CFAP74: variants seen among roughly 807,000 people sequenced by gnomAD.
The protein encoded by CFAP74 is cilia- and flagella-associated protein 74.
In CFAP74, 124 loss-of-function variants were observed where a neutral mutation model predicts 188.9. The observed-to-expected ratio is 0.66, with a 90% confidence interval of 0.57 to 0.76. The LOEUF (loss-of-function observed/expected upper bound fraction) is 0.76, where lower values mean the gene tolerates loss of function less well. Ranked by LOEUF, CFAP74 falls within the 30% of genes least tolerant of loss-of-function variation. The pLI, the probability that CFAP74 is intolerant of heterozygous loss-of-function variation, is 0.00. For missense variants in CFAP74, 2,198 were observed against 2,165.2 expected, an observed-to-expected ratio of 1.02 and a Z score of -0.30; for synonymous variants, 956 against 916.7, an observed-to-expected ratio of 1.04 and a Z score of -0.77.
At chr1:1,986,122 C>T (rs971929033) in intron 5 of CFAP74, among the ~76,000 whole-genome samples, 3 of 152,188 alleles carry the variant, frequency 2.0e-5, no homozygotes, top group African/African-American at 2.4e-5. Context: ...CGGTGGCTCA[C>T]GCCTGTAATT....
rs1225809162 is a variant in CFAP74, at chr1:1,927,693, G to A, written c.3441C>T (p.Ser1147=). 6 of 1,550,192 alleles carry A rather than the reference G, an allele frequency of 3.9e-6. No individual in the cohort carries two copies. The highest frequency in any genetic ancestry group is 4.9e-5 in the East Asian group (2 of 40,916). ...TGTCGCGGTTCTGTGCTCGAAGAAC[G>A]GAGAATGACAGTCCATGCAGGTCCT... The part of the protein sequence containing the change: ...QRKDLHGLSF[S]VLRAQNRDKL... Residue 1147 remains serine, a synonymous_variant, in exon 28 of 39, where the codon TCC becomes TCT. Coordinates refer to ENST00000682832, the MANE Select transcript of CFAP74 (RefSeq NM_001304360.2).
chr1:1,954,803 A>C, intron 18 of CFAP74: 1 of 1,120,062 alleles, frequency 8.9e-7, no homozygotes, highest in South Asian at 2.0e-5. Context: ...TCACTTTGGT[A>C]TTAGCTGATG....
chr1:1,992,119 G>A (rs115714041), intron 1 of CFAP74, among the ~76,000 whole-genome samples: 5 of 151,986 alleles, frequency 3.3e-5, no homozygotes, highest in East Asian at 3.9e-4. Context: ...GCATCGTCAC[G>A]CGTTGCTGGT....
Position 1,966,492 on chromosome 1 carries a change from C to T in CFAP74, c.1280G>A (p.Arg427Gln), listed in dbSNP as rs749252978. Residue 427 changes from arginine to glutamine, a missense_variant, in exon 12 of 39, where the codon CGG (arginine) becomes CAG (glutamine). Physicochemically the swap from Arg to Gln is conservative, Grantham distance 43. Coordinates refer to ENST00000682832, the MANE Select transcript of CFAP74 (RefSeq NM_001304360.2). ...YEAAAGPGPS[R>Q]LLEVVSSELI... The stretch of plus-strand genomic sequence containing the variant: ...CTCACTGGAAACGACTTCCAGCAAC[C>T]GAGAGGGCCCGGGGCCTGCAGCAGC... The T allele has an allele frequency of 6.9e-6, 11 of 1,596,312 alleles. No individual in the cohort carries two copies. The highest frequency in any genetic ancestry group is 2.7e-5 in the African/African-American group (2 of 74,228).
intron 13 of CFAP74, 38 bp from the exon 14 acceptor site, chr1:1,963,905 CAG>C (rs1449134867): frequency 1.0e-5 from 14 of 1,377,360 alleles, no homozygotes; most frequent in Middle Eastern, 1.8e-4. Context: ...GAGCGGGTCA[CAG>C]GGGGCTGTGC....
chr1:1,922,234 G>C lies in CFAP74; in HGVS notation c.*53C>G. Reference sequence around the variant, plus strand: ...GGTAGTATGACCTGGCCCTCAGCCTGGGGAGGGCTTTGAGGGTGGACAGGA... The same window carrying C: ...GGTAGTATGACCTGGCCCTCAGCCTCGGGAGGGCTTTGAGGGTGGACAGGA... On this transcript the variant is annotated 3_prime_UTR_variant, in exon 39 of 39. Coordinates refer to ENST00000682832, the MANE Select transcript of CFAP74 (RefSeq NM_001304360.2). 1 of 1,386,694 alleles carries C rather than the reference G, an allele frequency of 7.2e-7. No individual in the cohort carries two copies. Among genetic ancestry groups the C allele is most frequent in the Non-Finnish European group, 1.0e-6 (1 of 983,254 alleles). 85.9% of individuals were successfully genotyped at this position (1,386,694 alleles called of 1,614,324 possible).
intron 18 of CFAP74, among the ~76,000 whole-genome samples, chr1:1,950,589 C>T (rs890230248): frequency 6.6e-6 from 1 of 152,192 alleles, no homozygotes; most frequent in African/African-American, 2.4e-5. Context: ...ATCTGCTCAC[C>T]TCGGCCGCCC....
At chr1:1,939,863 G>T in intron 23 of CFAP74, 96 bp from the exon 24 acceptor site, 1 of 1,207,308 alleles carries the variant, frequency 8.3e-7, no homozygotes, top group Non-Finnish European at 1.2e-6. Context: ...CTGCCTTGTG[G>T]CCATGGCCCA....
At chr1:1,949,015 C>T (rs929524039) in intron 18 of CFAP74, among the ~76,000 whole-genome samples, 1 of 135,214 alleles carries the variant, frequency 7.4e-6, no homozygotes, top group Non-Finnish European at 1.6e-5. Flanking sequence ...TCCCCTTCCC[C>T]TTCCTTCCTT....
chr1:1,986,058 T>G (rs1001561192), intron 5 of CFAP74, among the ~76,000 whole-genome samples: 1 of 152,174 alleles, frequency 6.6e-6, no homozygotes, highest in Non-Finnish European at 1.5e-5. Flanking sequence ...CCCTAGATCC[T>G]GGGTGCCACA....
Position 1,956,726 on chromosome 1 carries a change from G to A in CFAP74, c.1910C>T (p.Ser637Phe). The change falls in exon 17 of 39, where the codon TCT (serine) becomes TTT (phenylalanine). Residue 637 changes from serine (S) to phenylalanine (F), a missense_variant. Coordinates refer to ENST00000682832, the MANE Select transcript of CFAP74 (RefSeq NM_001304360.2). Reference sequence around the variant, plus strand: ...AACGTTGGTCAGCGTGATGGTCCGAGACGTGGTCTCTCCTACCACGTAGCT... The same window carrying A: ...AACGTTGGTCAGCGTGATGGTCCGAAACGTGGTCTCTCCTACCACGTAGCT... ...FGSYVVGETT[S>F]RTITLTNVGG... 1.2e-6 allele frequency: 2 copies of A among 1,613,912 alleles called. No homozygotes were observed. Among genetic ancestry groups the A allele is most frequent in the Non-Finnish European group, 1.7e-6 (2 of 1,179,922 alleles).
Position 1,956,789 on chromosome 1 carries a change from C to T in CFAP74, c.1852-5G>A, listed in dbSNP as rs771484404. On this transcript the variant is annotated splice_polypyrimidine_tract_variant and splice_region_variant and intron_variant, in intron 16 of 38. Transcript: ENST00000682832. ...GAGCTCCTTGTCGAGGGACAGCTGC[C>T]AGAGGACATGGAGTGAACTCAGGGC... 3 of 1,611,448 alleles carry T rather than the reference C, an allele frequency of 1.9e-6. No homozygotes were observed. Among genetic ancestry groups the T allele is most frequent in the East Asian group, 4.5e-5 (2 of 44,710 alleles).
chr1:1,995,320 C>T (rs550294902), intron 1 of CFAP74, among the ~76,000 whole-genome samples: 6 of 152,030 alleles, frequency 3.9e-5, no homozygotes, highest in Admixed American at 2.6e-4. Flanking sequence ...AGTGAAACCC[C>T]GTCTCTACTA....
intron 25 of CFAP74, among the ~76,000 whole-genome samples, chr1:1,931,532 C>T (rs1432291438): frequency 6.8e-5 from 10 of 147,234 alleles, no homozygotes; most frequent in African/African-American, 1.3e-4. Context: ...GTCAGGAGAT[C>T]GAGACCATCC....
intron 14 of CFAP74, 32 bp downstream of exon 14, chr1:1,963,717 C>G: frequency 7.0e-7 from 1 of 1,419,562 alleles, no homozygotes; most frequent in Non-Finnish European, 9.9e-7. Context: ...GTCCCTGCAC[C>G]GCGTCCCTCC....
chr1:1,968,716 C>A lies in CFAP74; in HGVS notation c.1164G>T (p.Arg388=). 6.2e-7 allele frequency: 1 copy of A among 1,614,104 alleles called. No individual in the cohort carries two copies. Among genetic ancestry groups the A allele is most frequent in the Middle Eastern group, 1.6e-4 (1 of 6,062 alleles). The change falls in exon 11 of 39, where the codon CGG becomes CGT. Residue 388 remains arginine, a synonymous_variant. Transcript: ENST00000682832. This position sits in a 1 kb window ranked among gnomAD's most constrained non-coding sequence, Gnocchi z 4.3. The stretch of plus-strand genomic sequence containing the variant: ...TCCAGGTCTTGTCCCTCAGGGTCAG[C>A]CGGTGCCTGGCACTGGTGGGGGGAT... ...KQHPPTSARH[R]LTLRDKTWNY...
In CFAP74 at chr1:1,970,704, T is replaced by G. The variant is rs933571614; in HGVS notation, c.1001A>C (p.His334Pro). 6.2e-7 allele frequency: 1 copy of G among 1,613,686 alleles called. No homozygotes were observed. Among genetic ancestry groups the G allele is most frequent in the African/African-American group, 1.3e-5 (1 of 74,926 alleles). ...ILAQGRDAFR[H>P]LVHQRRRQEL... ...CTGGCGCCGGCGCTGGTGGACAAGG[T>G]GCCTGAATGCATCCCTGCCCTGGGC... Residue 334 changes from histidine to proline, a missense_variant, in exon 10 of 39, where the codon CAC becomes CCC. By Grantham distance (77) the His-to-Pro change is moderately conservative (BLOSUM62 -2). Transcript: ENST00000682832.
intron 19 of CFAP74, 108 bp from the exon 20 acceptor site, chr1:1,946,547 C>T (rs1653789662): frequency 6.5e-6 from 9 of 1,383,432 alleles, no homozygotes; most frequent in East Asian, 2.5e-5. Flanking sequence ...TGGCAGGACC[C>T]GTGTCCCTGG....
At chr1:1,955,289 GC>G (rs1180093243) in intron 18 of CFAP74, 50 of 1,295,928 alleles carry the variant, frequency 3.9e-5, no homozygotes, top group Non-Finnish European at 4.7e-5. Context: ...GGAGGGCAGG[GC>G]CCGCCCGTTT....
Sources: allele counts gnomAD v4.1 joint callset (sites outside exome capture counted in the v4.1 genomes callset), GRCh38; gene constraint gnomAD v4.1.1; non-coding constraint Gnocchi (gnomAD v3.1); transcripts MANE v1.5; gene names NCBI Gene and HGNC (gene_info 2026-07-23, HGNC 2026-07-21).